Variants in MGAT4C observed in about 807,000 individuals in gnomAD.
MGAT4C encodes the protein alpha-1,3-mannosyl-glycoprotein 4-beta-N-acetylglucosaminyltransferase C.
In MGAT4C, 19 loss-of-function variants were observed where a neutral mutation model predicts 40.1. The ratio of observed to expected loss-of-function variants is 0.47; its 90% CI spans 0.33 to 0.70. MGAT4C has a LOEUF of 0.70. MGAT4C is among the 30% of genes least tolerant of loss of function. The pLI is 0.02. For missense variants in MGAT4C, 491 were observed against 563.2 expected, an observed-to-expected ratio of 0.87 and a Z score of 1.30; for synonymous variants, 181 against 187.1, an observed-to-expected ratio of 0.97 and a Z score of 0.27.
At chr12:86,243,568 T>A (rs916063335) in intron 1 of MGAT4C, among the ~76,000 whole-genome samples, 1 of 152,176 alleles carries the variant, frequency 6.6e-6, no homozygotes, top group Non-Finnish European at 1.5e-5. Flanking sequence ...TTTGAAGAAG[T>A]AAGCTTCACT....
intron 2 of MGAT4C, among the ~76,000 whole-genome samples, chr12:85,993,466 C>T (rs578173339): frequency 5.3e-5 from 8 of 152,296 alleles, no homozygotes; most frequent in Admixed American, 4.6e-4. Context: ...TGGGTCCAGC[C>T]TCTCAACTGC....
intron 1 of MGAT4C, among the ~76,000 whole-genome samples, chr12:86,754,113 T>A (rs370049254): frequency 3.9e-5 from 6 of 152,086 alleles, no homozygotes; most frequent in South Asian, 2.1e-4. Context: ...GATGAAAGAA[T>A]ACATAATTTG....
chr12:86,660,559 C>A (rs1408335446), intron 2 of MGAT4C, among the ~76,000 whole-genome samples: 1 of 152,018 alleles, frequency 6.6e-6, no homozygotes, highest in Non-Finnish European at 1.5e-5. Flanking sequence ...TTTTCTACAA[C>A]ATAATTATTA....
chr12:86,615,730 C>CA (rs1962427051), intron 2 of MGAT4C, among the ~76,000 whole-genome samples: 1 of 152,026 alleles, frequency 6.6e-6, no homozygotes, highest in African/African-American at 2.4e-5. Flanking sequence ...CAAATCACAT[C>CA]AAATCCATGA....
intron 2 of MGAT4C, among the ~76,000 whole-genome samples, chr12:86,703,075 G>T (rs1950391891): frequency 6.6e-6 from 1 of 152,104 alleles, no homozygotes; most frequent in East Asian, 1.9e-4. Context: ...CGTGGATGTG[G>T]TAAAAATGGC....
intron 1 of MGAT4C, among the ~76,000 whole-genome samples, chr12:86,085,695 A>G (rs952066627): frequency 8.5e-5 from 13 of 152,162 alleles, no homozygotes; most frequent in Admixed American, 7.2e-4. Context: ...ATTTACAAGA[A>G]AAAAACAAAC....
intron 3 of MGAT4C, among the ~76,000 whole-genome samples, chr12:86,349,840 T>C (rs1427232280): frequency 6.6e-6 from 1 of 152,164 alleles, no homozygotes; most frequent in African/African-American, 2.4e-5. Context: ...TGCCAGTCAA[T>C]ATTATCTGGA....
chr12:86,641,760 C>T (rs77668733), intron 2 of MGAT4C, among the ~76,000 whole-genome samples: 7,222 of 151,708 alleles, frequency 0.048, 558 homozygotes, highest in African/African-American at 0.16. Context: ...CAAAGGAAAA[C>T]ATAACCTCCG....
At chr12:86,383,821 TG>T (rs1373226959) in intron 3 of MGAT4C, among the ~76,000 whole-genome samples, 1 of 152,110 alleles carries the variant, frequency 6.6e-6, no homozygotes, top group Non-Finnish European at 1.5e-5. Flanking sequence ...TTAAGACTTT[TG>T]GGGGATTGTT....
At chr12:86,347,782 C>A (rs1955072347) in intron 3 of MGAT4C, among the ~76,000 whole-genome samples, 1 of 152,128 alleles carries the variant, frequency 6.6e-6, no homozygotes, top group Admixed American at 6.5e-5. Flanking sequence ...TGTTTCCTAG[C>A]CAACAATTCC....
intron 1 of MGAT4C, among the ~76,000 whole-genome samples, chr12:86,216,768 AT>A (rs1385703763): frequency 6.6e-6 from 1 of 152,212 alleles, no homozygotes; most frequent in African/African-American, 2.4e-5. Flanking sequence ...TGGTAAAAAA[AT>A]ATTTTGTGTT....
At chr12:86,370,099 C>T (rs1486862173) in intron 3 of MGAT4C, among the ~76,000 whole-genome samples, 1 of 151,910 alleles carries the variant, frequency 6.6e-6, no homozygotes, top group Admixed American at 6.6e-5. Flanking sequence ...GGGAAATCAA[C>T]AAGAAAATTT....
At chr12:86,217,284 C>T (rs535078723) in intron 1 of MGAT4C, among the ~76,000 whole-genome samples, 1 of 152,304 alleles carries the variant, frequency 6.6e-6, no homozygotes, top group South Asian at 2.1e-4. Flanking sequence ...AAGCGAGTCT[C>T]CTGCCTCAGC....
chr12:86,219,669 CAGTT>C (rs1950808838), intron 1 of MGAT4C, among the ~76,000 whole-genome samples: 1 of 152,232 alleles, frequency 6.6e-6, no homozygotes, highest in South Asian at 2.1e-4. Context: ...GTAAAACAGT[CAGTT>C]AAAGTATTAC....
rs557657306 is a variant in MGAT4C, at chr12:86,338,659, C to T, written c.-119-4532G>A. ...GGTTAGGTTAGATCCCCTTCACTTT[C>T]TCAGTCATAATTTTGCAAAGGCAGT... On this transcript the variant is annotated intron_variant, in intron 3 of 7. Coordinates refer to the MGAT4C transcript ENST00000548651. Among the ~76,000 whole-genome samples the T allele has an allele frequency of 2.0e-5, 3 of 152,150 alleles. No homozygotes were observed. The South Asian group carries it at 6.2e-4, about 32-fold the overall frequency.
chr12:86,349,051 AG>A (rs1331505770), intron 3 of MGAT4C, among the ~76,000 whole-genome samples: 1 of 152,190 alleles, frequency 6.6e-6, no homozygotes, highest in African/African-American at 2.4e-5. Context: ...AGCAATAAAC[AG>A]CTCAATTTAA....
chr12:86,483,135 T>C (rs898398887), intron 2 of MGAT4C, among the ~76,000 whole-genome samples: 2 of 152,166 alleles, frequency 1.3e-5, no homozygotes, highest in African/African-American at 2.4e-5. Flanking sequence ...TGTCCTCACA[T>C]GGCAGAAGGG....
intron 3 of MGAT4C, among the ~76,000 whole-genome samples, chr12:86,387,147 T>A (rs904583754): frequency 6.6e-6 from 1 of 152,154 alleles, no homozygotes; most frequent in African/African-American, 2.4e-5. Flanking sequence ...AAAGTGTACA[T>A]AGTTGTCTGA....
In MGAT4C at chr12:85,968,982, G is replaced by C. The variant is rs1465600384; in HGVS notation, c.*10307C>G. On this transcript the variant is annotated 3_prime_UTR_variant, in exon 5 of 5. Transcript: ENST00000611864. ...AGTAGCAATAATAATAGTCATTTCT[G>C]TTTTAATACTTCATAGACTTGTAAG... 1 of 151,776 alleles carries C rather than the reference G, an allele frequency of 6.6e-6. No individual in the cohort carries two copies. Among genetic ancestry groups the C allele is most frequent in the Non-Finnish European group, 1.5e-5 (1 of 67,812 alleles). 9.4% of individuals were successfully genotyped at this position (151,776 alleles called of 1,614,324 possible).
Sources: allele counts gnomAD v4.1 joint callset (sites outside exome capture counted in the v4.1 genomes callset), GRCh38; gene constraint gnomAD v4.1.1; transcripts MANE v1.5; gene names NCBI Gene and HGNC (gene_info 2026-07-23, HGNC 2026-07-21).